Variants in CLEC16A observed in about 807,000 individuals in gnomAD.
CLEC16A encodes C-type lectin domain containing 16A, also known as protein CLEC16A.
CLEC16A carries 51 observed loss-of-function variants against 109.5 expected under a neutral mutation model. That is an observed-to-expected ratio of 0.47 (90% CI 0.37 to 0.59). The LOEUF (loss-of-function observed/expected upper bound fraction) is 0.59, where lower values mean the gene tolerates loss of function less well. Ranked by LOEUF, CLEC16A falls within the 20% of genes least tolerant of loss-of-function variation. CLEC16A has a pLI of 0.00. For missense variants in CLEC16A, 1,339 were observed against 1,394.0 expected, an observed-to-expected ratio of 0.96 and a Z score of 0.63; for synonymous variants, 673 against 564.2, an observed-to-expected ratio of 1.19 and a Z score of -2.73.
chr16:11,120,834 A>C, intron 20 of CLEC16A, 68 bp downstream of exon 20: 1 of 1,203,760 alleles, frequency 8.3e-7, no homozygotes, highest in Non-Finnish European at 1.1e-6. Context: ...ACACACACAC[A>C]CACACCACAC....
chr16:11,147,093 CAG>C (rs2054093601), intron 22 of CLEC16A, among the ~76,000 whole-genome samples: 1 of 151,750 alleles, frequency 6.6e-6, no homozygotes, highest in Non-Finnish European at 1.5e-5. Flanking sequence ...GTGTCCCAGA[CAG>C]GGGCTGCCAT....
At chr16:11,032,999 A>C (rs1341981654) in intron 13 of CLEC16A, among the ~76,000 whole-genome samples, 2 of 151,992 alleles carry the variant, frequency 1.3e-5, no homozygotes, top group Non-Finnish European at 2.9e-5. Flanking sequence ...GGTGGGGATG[A>C]GTTGCAGGAG....
intron 11 of CLEC16A, among the ~76,000 whole-genome samples, chr16:11,019,697 A>T (rs111842713): frequency 0.049 from 7,393 of 149,510 alleles, 639 homozygotes; most frequent in African/African-American, 0.17. Context: ...TGAACCCTGG[A>T]GGCGGAGGTA....
At chr16:11,154,365 G>T (rs2153082332) in intron 22 of CLEC16A, among the ~76,000 whole-genome samples, 1 of 152,290 alleles carries the variant, frequency 6.6e-6, no homozygotes, top group South Asian at 2.1e-4. Context: ...CATGTGTCTT[G>T]AATGCAGTGT....
intron 22 of CLEC16A, among the ~76,000 whole-genome samples, chr16:11,148,583 C>A (rs1022504135): frequency 6.6e-6 from 1 of 152,196 alleles, no homozygotes; most frequent in Non-Finnish European, 1.5e-5. Context: ...CATTACACAG[C>A]CAGTCAGCAT....
chr16:11,163,178 C>G (rs747329633), intron 22 of CLEC16A, among the ~76,000 whole-genome samples: 2 of 152,238 alleles, frequency 1.3e-5, no homozygotes, highest in Admixed American at 6.5e-5. Flanking sequence ...GAGGACAGGG[C>G]GCTCTGGCCA....
chr16:11,087,705 T>G (rs2050085451), intron 19 of CLEC16A, among the ~76,000 whole-genome samples: 1 of 152,208 alleles, frequency 6.6e-6, no homozygotes, highest in African/African-American at 2.4e-5. Context: ...TTTCTCACAA[T>G]CACCAGGAAT....
Position 10,957,999 on chromosome 16 carries a change from A to G in CLEC16A, c.209+89A>G. Reference sequence around the variant, plus strand: ...ACTATGAGTCATTCTGGATGATGTCAGGATTTGACGCTAATTTGATCTTGC... The same window carrying G: ...ACTATGAGTCATTCTGGATGATGTCGGGATTTGACGCTAATTTGATCTTGC... On this transcript the variant is annotated intron_variant, in intron 2 of 23. Coordinates refer to ENST00000409790, the MANE Select transcript of CLEC16A (RefSeq NM_015226.3). The G allele has an allele frequency of 5.3e-6, 7 of 1,312,134 alleles. No homozygotes were observed. In the South Asian group the frequency reaches 8.0e-5, roughly 15 times the overall value. 81.3% of individuals were successfully genotyped at this position (1,312,134 alleles called of 1,614,324 possible).
intron 19 of CLEC16A, among the ~76,000 whole-genome samples, chr16:11,081,285 G>C (rs1329318568): frequency 6.6e-5 from 10 of 152,148 alleles, no homozygotes. Context: ...CACTTTGTTG[G>C]TACAAGTTAA....
intron 1 of CLEC16A, among the ~76,000 whole-genome samples, chr16:10,955,048 G>C (rs917855780): frequency 6.6e-6 from 1 of 152,186 alleles, no homozygotes; most frequent in Non-Finnish European, 1.5e-5. Context: ...AGCCTTGACT[G>C]TTCCCACCAC....
Position 11,046,404 on chromosome 16 carries a change from T to G in CLEC16A, c.1816-888T>G, listed in dbSNP as rs546820837. On this transcript the variant is annotated intron_variant, in intron 16 of 23. Transcript: ENST00000409790. Reference sequence around the variant, plus strand: ...TTATGTCACACAAGAATATTCAAATTTAGTTGTAGTTCTGACAACTGAAAA... The same window carrying G: ...TTATGTCACACAAGAATATTCAAATGTAGTTGTAGTTCTGACAACTGAAAA... 4.9e-4 allele frequency among the ~76,000 whole-genome samples: 74 copies of G among 152,282 alleles called. 1 individual carries two copies. In the Middle Eastern group the frequency reaches 0.01, roughly 21 times the overall value.
At chr16:10,945,925 T>G (rs1243160032) in intron 1 of CLEC16A, among the ~76,000 whole-genome samples, 1 of 152,230 alleles carries the variant, frequency 6.6e-6, no homozygotes, top group Non-Finnish European at 1.5e-5. Context: ...GCTTGGTTTG[T>G]TCACAGTTGT....
chr16:11,168,279 C>G (rs749122115), intron 23 of CLEC16A, among the ~76,000 whole-genome samples: 10 of 152,188 alleles, frequency 6.6e-5, no homozygotes, highest in Non-Finnish European at 1.2e-4. Flanking sequence ...TCCCTACCCC[C>G]ACCATCCCCT....
rs540445358 is a variant in CLEC16A at position 10,954,961 on chromosome 16, C to T, written c.81-2821C>T. ...CAGCCAAGCCTGCTTCTGTTGAGCCCTTGCTCTGTGCCAGGCGCTGTGCTT... is the reference window on the plus strand; with the variant it reads ...CAGCCAAGCCTGCTTCTGTTGAGCCTTTGCTCTGTGCCAGGCGCTGTGCTT... On this transcript the variant is annotated intron_variant, in intron 1 of 23. Transcript: ENST00000409790. The surrounding 1 kb of genome is among the most constrained non-coding windows in gnomAD (Gnocchi z 4.2). Among the ~76,000 whole-genome samples the T allele has an allele frequency of 3.2e-4, 48 of 152,376 alleles. No individual in the cohort carries two copies. The highest frequency in any genetic ancestry group is 6.0e-4 in the Non-Finnish European group (41 of 68,048).
chr16:11,022,158 C>T (rs895527827), intron 12 of CLEC16A, among the ~76,000 whole-genome samples: 5 of 152,048 alleles, frequency 3.3e-5, no homozygotes, highest in Non-Finnish European at 5.9e-5. Flanking sequence ...TGGGAACCTC[C>T]AGGCCAGATT....
intron 10 of CLEC16A, among the ~76,000 whole-genome samples, chr16:11,002,047 T>A (rs1207785657): frequency 6.6e-6 from 1 of 152,198 alleles, no homozygotes; most frequent in Non-Finnish European, 1.5e-5. Flanking sequence ...AATAATAATA[T>A]CAGTGGGCTG....
intron 22 of CLEC16A, among the ~76,000 whole-genome samples, chr16:11,164,001 C>T (rs1487020962): frequency 2.6e-5 from 4 of 152,172 alleles, no homozygotes; most frequent in East Asian, 3.8e-4. Flanking sequence ...CATGAGGCTG[C>T]GGCTGAGTGT....
At chr16:11,050,103 T>C (rs1337179936) in intron 17 of CLEC16A, among the ~76,000 whole-genome samples, 2 of 152,216 alleles carry the variant, frequency 1.3e-5, no homozygotes, top group Non-Finnish European at 2.9e-5. Context: ...GGTGCCAGCA[T>C]TTGGCGACGG....
chr16:11,085,261 G>A (rs1264559415), intron 19 of CLEC16A, among the ~76,000 whole-genome samples: 1 of 152,250 alleles, frequency 6.6e-6, no homozygotes, highest in East Asian at 1.9e-4. Context: ...AATGTGACAG[G>A]CCCATTTTCA....
Sources: allele counts gnomAD v4.1 joint callset (sites outside exome capture counted in the v4.1 genomes callset), GRCh38; gene constraint gnomAD v4.1.1; non-coding constraint Gnocchi (gnomAD v3.1); transcripts MANE v1.5; gene names NCBI Gene and HGNC (gene_info 2026-07-23, HGNC 2026-07-21).